The following UPP2 variants were observed in gnomAD, a reference collection of about 807,000 sequenced individuals.
The protein encoded by UPP2 is UPase 2.
Under a neutral mutation model 26.7 loss-of-function variants are expected in UPP2, and 23 were observed. That is an observed-to-expected ratio of 0.86 (90% CI 0.62 to 1.22). The LOEUF is 1.22. Among genes scored for constraint, UPP2 ranks in the 50% most tolerant of loss-of-function variants. The pLI is 0.00. For synonymous variants in UPP2, 127 were observed against 141.3 expected (o/e 0.90, Z 0.72); for missense variants, 387 against 396.7 (o/e 0.98, Z 0.21).
intron 3 of UPP2, among the ~76,000 whole-genome samples, chr2:158,016,119 C>G (rs992561517): frequency 6.7e-6 from 1 of 148,516 alleles, no homozygotes; most frequent in African/African-American, 2.5e-5. Flanking sequence ...CTCACTAACA[C>G]TTGTTTAAAA....
At chr2:158,061,388 T>A (rs114031048) in intron 3 of UPP2, among the ~76,000 whole-genome samples, 4,453 of 152,314 alleles carry the variant, frequency 0.029, 94 homozygotes, top group Middle Eastern at 0.041. Context: ...TAGAGATGAA[T>A]TAGCCCAAAT....
intron 3 of UPP2, among the ~76,000 whole-genome samples, chr2:158,082,418 T>C (rs1682741925): frequency 6.6e-6 from 1 of 152,184 alleles, no homozygotes; most frequent in African/African-American, 2.4e-5. Flanking sequence ...TGCATCCTTA[T>C]AGCTTAGCTT....
At chr2:158,042,457 G>A (rs1684094692) in intron 3 of UPP2, among the ~76,000 whole-genome samples, 1 of 152,102 alleles carries the variant, frequency 6.6e-6, no homozygotes, top group African/African-American at 2.4e-5. Context: ...TTCCCATCCT[G>A]TTGGATTAGC....
At chr2:158,097,767 T>C (rs1683011066), upstream of UPP2, among the ~76,000 whole-genome samples, 1 of 152,186 alleles carries the variant, frequency 6.6e-6, no homozygotes, top group Non-Finnish European at 1.5e-5. Flanking sequence ...TTGACAGAAT[T>C]GTGGAGGGAA....
chr2:158,083,792 GTA>G (rs745830748), intron 3 of UPP2, among the ~76,000 whole-genome samples: 3 of 147,948 alleles, frequency 2.0e-5, no homozygotes, highest in Non-Finnish European at 1.5e-5. Flanking sequence ...ATTCCATGGT[GTA>G]TATATATATA....
At chr2:158,032,654 A>C (rs1683941062) in intron 3 of UPP2, among the ~76,000 whole-genome samples, 1 of 152,092 alleles carries the variant, frequency 6.6e-6, no homozygotes, top group Non-Finnish European at 1.5e-5. Context: ...TACGGGGAGC[A>C]TTGTGAACAA....
chr2:158,065,047 G>A (rs1355161403), intron 3 of UPP2, among the ~76,000 whole-genome samples: 2 of 152,142 alleles, frequency 1.3e-5, no homozygotes, highest in Non-Finnish European at 2.9e-5. Context: ...AACAGCTCCG[G>A]TCTGCAGCTC....
intron 3 of UPP2, among the ~76,000 whole-genome samples, chr2:158,051,441 G>A (rs1682156040): frequency 6.6e-6 from 1 of 152,072 alleles, no homozygotes; most frequent in Non-Finnish European, 1.5e-5. Flanking sequence ...AACTACCAGA[G>A]GAAATGACTA....
chr2:158,048,075 G>A (rs1362705823), intron 3 of UPP2, among the ~76,000 whole-genome samples: 1 of 152,168 alleles, frequency 6.6e-6, no homozygotes, highest in African/African-American at 2.4e-5. Flanking sequence ...GGATTAAGGG[G>A]TGAGGCTTCT....
At chr2:158,072,915 G>A (rs1179911587) in intron 3 of UPP2, among the ~76,000 whole-genome samples, 1 of 151,896 alleles carries the variant, frequency 6.6e-6, no homozygotes, top group African/African-American at 2.4e-5. Flanking sequence ...AATTTTCAAT[G>A]CCCAGGCACT....
intron 3 of UPP2, among the ~76,000 whole-genome samples, chr2:158,081,859 T>C (rs540564777): frequency 9.2e-5 from 14 of 152,070 alleles, no homozygotes; most frequent in African/African-American, 3.1e-4. Context: ...TATAAAAATA[T>C]AGGTAGATAA....
chr2:158,110,504 T>C (rs2105218065), intron 2 of UPP2, among the ~76,000 whole-genome samples: 1 of 152,326 alleles, frequency 6.6e-6, no homozygotes, highest in South Asian at 2.1e-4. Context: ...TTTGAGTATA[T>C]AGCCAGTAAT....
intron 3 of UPP2, among the ~76,000 whole-genome samples, chr2:158,024,191 A>C (rs1388941227): frequency 6.6e-6 from 1 of 152,148 alleles, no homozygotes; most frequent in East Asian, 1.9e-4. Context: ...ATATTTTTTA[A>C]AATATGGGAC....
In UPP2 at chr2:158,031,563, G is replaced by A. The variant is rs186413945; in HGVS notation, c.147+15677G>A. Reference sequence around the variant, plus strand: ...GAGCTGTTGGAACATCTCCAGGACCGCTGAGGTTCCGAGCCAGCTCTATTC... The same window carrying A: ...GAGCTGTTGGAACATCTCCAGGACCACTGAGGTTCCGAGCCAGCTCTATTC... On this transcript the variant is annotated intron_variant, in intron 3 of 9. Coordinates refer to the UPP2 transcript ENST00000605860. Among the ~76,000 whole-genome samples, 143 of 152,290 alleles carry A rather than the reference G, an allele frequency of 9.4e-4. 1 individual carries two copies. Among genetic ancestry groups the A allele is most frequent in the Non-Finnish European group, 1.5e-3 (100 of 68,006 alleles).
At chr2:158,067,881 A>G (rs920425659) in intron 3 of UPP2, among the ~76,000 whole-genome samples, 3 of 151,920 alleles carry the variant, frequency 2.0e-5, no homozygotes, top group Non-Finnish European at 2.9e-5. Flanking sequence ...AAATTTCTAA[A>G]GAGTTATTTC....
At chr2:158,044,496 G>A (rs910680916) in intron 3 of UPP2, among the ~76,000 whole-genome samples, 4 of 152,176 alleles carry the variant, frequency 2.6e-5, no homozygotes, top group Admixed American at 2.0e-4. Flanking sequence ...AGGTCAGCCA[G>A]CTAGGGTGAC....
At chr2:158,113,624 T>C (rs1285271477) in intron 2 of UPP2, among the ~76,000 whole-genome samples, 1 of 152,200 alleles carries the variant, frequency 6.6e-6, no homozygotes, top group Non-Finnish European at 1.5e-5. Flanking sequence ...TATTGCTAAA[T>C]GGAAACAAGA....
In UPP2 at chr2:158,066,630, C is replaced by CTTTT. The variant is rs3046317; in HGVS notation, c.148-35400_148-35397dup. ...TATCAGATTTGTTTAACCATTGATT[C>CTTTT]TTTTTTTTTTTTTACCATGTCTTAC... On this transcript the variant is annotated intron_variant, in intron 3 of 9. Coordinates refer to the UPP2 transcript ENST00000605860. 2.6e-3 allele frequency among the ~76,000 whole-genome samples: 386 copies of CTTTT among 146,086 alleles called. 3 individuals are homozygous for CTTTT. Among genetic ancestry groups the CTTTT allele is most frequent in the African/African-American group, 3.7e-3 (149 of 39,928 alleles).
chr2:158,115,758 A>G (rs1458797528), intron 3 of UPP2, among the ~76,000 whole-genome samples: 2 of 152,230 alleles, frequency 1.3e-5, no homozygotes, highest in African/African-American at 2.4e-5. Flanking sequence ...CAGTGCCCTA[A>G]GACAAAATGA....
Sources: allele counts gnomAD v4.1 joint callset (sites outside exome capture counted in the v4.1 genomes callset), GRCh38; gene constraint gnomAD v4.1.1; transcripts MANE v1.5; gene names NCBI Gene and HGNC (gene_info 2026-07-23, HGNC 2026-07-21).